Variants in SPECC1L observed in about 807,000 individuals in gnomAD.
SPECC1L encodes the protein sperm antigen with calponin homology and coiled-coil domains 1 like, also known as cytospin-A.
Under a neutral mutation model 116.8 loss-of-function variants are expected in SPECC1L, and 40 were observed. The observed-to-expected ratio is 0.34, with a 90% CI of 0.27 to 0.45. SPECC1L has a LOEUF of 0.45. Ranked by LOEUF, SPECC1L falls within the 20% of genes least tolerant of loss-of-function variation. The pLI is 1.00. For missense variants in SPECC1L, 1,110 were observed against 1,373.6 expected (o/e 0.81, Z 3.03); for synonymous variants, 504 against 500.6 (o/e 1.01, Z -0.09).
rs556250266 is a variant in SPECC1L at position 24,327,487 on chromosome 22, T to G, written c.2147-1359T>G. Reference sequence around the variant, plus strand: ...ATAAAGTGTTAGCTAGAGGAAGAATTTTTTGATTACATGTGTCATTGCAAG... The same window carrying G: ...ATAAAGTGTTAGCTAGAGGAAGAATGTTTTGATTACATGTGTCATTGCAAG... On this transcript the variant is annotated intron_variant, in intron 6 of 16. Coordinates refer to ENST00000314328, the MANE Select transcript of SPECC1L (RefSeq NM_015330.6). 1.6e-4 allele frequency among the ~76,000 whole-genome samples: 25 copies of G among 152,074 alleles called. 1 individual carries two copies. The South Asian group carries it at 5.2e-3, about 32-fold the overall frequency.
chr22:24,281,134 G>A (rs1377191343), intron 2 of SPECC1L, among the ~76,000 whole-genome samples: 2 of 152,096 alleles, frequency 1.3e-5, no homozygotes, highest in Non-Finnish European at 2.9e-5. Context: ...TTTAAAGGAA[G>A]GATGTTTTGT....
At position 24,359,396 on chromosome 22, in the gene SPECC1L, T is replaced by C. The variant is rs546938827; in HGVS notation, c.2744-3865T>C. Among the ~76,000 whole-genome samples, 14 of 152,344 alleles carry C rather than the reference T, an allele frequency of 9.2e-5. No homozygotes were observed. In the South Asian group the frequency reaches 2.7e-3, roughly 29 times the overall value. On this transcript the variant is annotated intron_variant, in intron 11 of 16. Coordinates refer to ENST00000314328, the MANE Select transcript of SPECC1L (RefSeq NM_015330.6). ...TGCCTGGTCCACATCTTTCCCTGGG[T>C]ATCTCAAAGGGTTCTCAAATTAAAT...
In SPECC1L at chr22:24,377,532, CTT is replaced by C. The variant is rs536488324; in HGVS notation, c.3087+8213_3087+8214del. Among the ~76,000 whole-genome samples the C allele has an allele frequency of 3.8e-4, 58 of 152,240 alleles. 3 individuals carry two copies. The South Asian group carries it at 0.012, about 31-fold the overall frequency. On this transcript the variant is annotated intron_variant, in intron 14 of 16. Coordinates refer to ENST00000314328, the MANE Select transcript of SPECC1L (RefSeq NM_015330.6). ...CTACCAAAGTGTTTTTGAAATTGAT[CTT>C]GTTACTTCTCTTTAAGCTGCTTCAT...
Position 24,394,426 on chromosome 22 carries a change from A to C in SPECC1L, c.3088-17162A>C, listed in dbSNP as rs143694752. 2.6e-3 allele frequency among the ~76,000 whole-genome samples: 401 copies of C among 152,314 alleles called. 2 individuals are homozygous for C. The highest frequency in any genetic ancestry group is 9.0e-3 in the African/African-American group (373 of 41,562). On this transcript the variant is annotated intron_variant, in intron 14 of 16. Transcript: ENST00000314328. ...TCCCGTTCATGGGGACTCCACCCTC[A>C]TGACCGCATTACTTCCCAAAGAACC...
At chr22:24,291,909 A>G (rs1006727437) in intron 2 of SPECC1L, among the ~76,000 whole-genome samples, 5 of 152,230 alleles carry the variant, frequency 3.3e-5, no homozygotes, top group African/African-American at 9.7e-5. Flanking sequence ...ATAAGCACAG[A>G]GAATTATTAA....
chr22:24,395,225 A>G (rs1460685892), intron 14 of SPECC1L, among the ~76,000 whole-genome samples: 1 of 152,208 alleles, frequency 6.6e-6, no homozygotes, highest in African/African-American at 2.4e-5. Context: ...TGCATAACCC[A>G]AGATCACAAC....
chr22:24,354,531 T>A (rs545899206), intron 11 of SPECC1L, among the ~76,000 whole-genome samples: 1 of 152,256 alleles, frequency 6.6e-6, no homozygotes, highest in South Asian at 2.1e-4. Context: ...ATCTTTCACA[T>A]TGACTCCTTG....
At chr22:24,280,238 G>A (rs543122700) in intron 2 of SPECC1L, among the ~76,000 whole-genome samples, 22 of 152,010 alleles carry the variant, frequency 1.4e-4, no homozygotes, top group African/African-American at 5.1e-4. Flanking sequence ...ACATAATGAC[G>A]AATGGTGTTT....
At position 24,379,305 on chromosome 22, in the gene SPECC1L, G is replaced by A. The variant is rs1370007177; in HGVS notation, c.3087+9985G>A. ...CTGAGGCAGGAGGATTACTTGAGCC[G>A]GGAAGTTGAGGCTGCTGTGAGCCAT... On this transcript the variant is annotated intron_variant, in intron 14 of 16. Transcript: ENST00000314328. Among the ~76,000 whole-genome samples the A allele has an allele frequency of 4.6e-5, 7 of 151,712 alleles. No homozygotes were observed. The East Asian group carries it at 5.8e-4, about 13-fold the overall frequency.
intron 3 of SPECC1L, among the ~76,000 whole-genome samples, chr22:24,303,844 GGTGTGTGTGTGTGTGTGTGT>G (rs3031935): frequency 2.6e-4 from 37 of 144,090 alleles, no homozygotes; most frequent in Non-Finnish European, 3.9e-4. Flanking sequence ...GTTTAAATAG[GGTGTGTGTGTGTGTGTGTGT>G]GTGTGTGTGT....
At chr22:24,302,131 A>G in intron 2 of SPECC1L, 64 bp from the exon 3 acceptor site, 1 of 1,297,762 alleles carries the variant, frequency 7.7e-7, no homozygotes, top group Non-Finnish European at 1.1e-6. Context: ...ATTCTTCGAA[A>G]ACAAATTTCT....
At chr22:24,341,938 C>T (rs982153906) in intron 10 of SPECC1L, among the ~76,000 whole-genome samples, 14 of 152,156 alleles carry the variant, frequency 9.2e-5, no homozygotes, top group African/African-American at 1.2e-4. Flanking sequence ...CTTCGATCCT[C>T]GAGATAACTG....
At chr22:24,343,284 G>C (rs561632276) in intron 10 of SPECC1L, among the ~76,000 whole-genome samples, 1 of 152,258 alleles carries the variant, frequency 6.6e-6, no homozygotes, top group African/African-American at 2.4e-5. Context: ...AAATCAGGAA[G>C]CTAAAGCAAG....
At chr22:24,338,187 A>G (rs1348175905) in intron 9 of SPECC1L, among the ~76,000 whole-genome samples, 199 bp from the exon 10 acceptor site, 1 of 152,220 alleles carries the variant, frequency 6.6e-6, no homozygotes, top group African/African-American at 2.4e-5. Flanking sequence ...TACAGATGCA[A>G]ATAATTCACC....
At chr22:24,272,838 A>G (rs1243113233) in intron 1 of SPECC1L, among the ~76,000 whole-genome samples, 1 of 152,216 alleles carries the variant, frequency 6.6e-6, no homozygotes, top group Non-Finnish European at 1.5e-5. Context: ...CCTTTGATTT[A>G]GTGTATACCA....
intron 14 of SPECC1L, among the ~76,000 whole-genome samples, chr22:24,383,792 A>AATTTTT (rs2042105646): frequency 2.6e-5 from 2 of 77,338 alleles, no homozygotes; most frequent in African/African-American, 6.5e-5. Flanking sequence ...ACCCACCACT[A>AATTTTT]TTTTTTTTTT....
At chr22:24,348,978 C>T (rs541173494) in intron 11 of SPECC1L, among the ~76,000 whole-genome samples, 1 of 152,202 alleles carries the variant, frequency 6.6e-6, no homozygotes, top group African/African-American at 2.4e-5. Context: ...TAATACCACA[C>T]TCTTGTGCCT....
At chr22:24,370,524 T>G (rs1569439013) in intron 14 of SPECC1L, among the ~76,000 whole-genome samples, 1 of 152,144 alleles carries the variant, frequency 6.6e-6, no homozygotes. Flanking sequence ...TGGCAGTTCC[T>G]CAAAAAAGTA....
chr22:24,284,286 A>G (rs2146345902), intron 2 of SPECC1L, among the ~76,000 whole-genome samples: 1 of 152,168 alleles, frequency 6.6e-6, no homozygotes, highest in Non-Finnish European at 1.5e-5. Context: ...TTATGTTTTC[A>G]TTTTAAGTTC....
Sources: gnomAD v4.1 joint callset for allele counts (sites outside exome capture counted in the v4.1 genomes callset) on GRCh38, gnomAD v4.1.1 for gene constraint, MANE v1.5 for transcripts, NCBI Gene and HGNC (gene_info 2026-07-23, HGNC 2026-07-21) for gene names.